The following MGAT1 variants were observed in gnomAD, a reference collection of about 807,000 sequenced individuals.
The protein encoded by MGAT1 is N-glycosyl-oligosaccharide-glycoprotein N-acetylglucosaminyltransferase I.
Under a neutral mutation model 31.7 loss-of-function variants are expected in MGAT1, and 14 were observed. The observed-to-expected ratio is 0.44, with a 90% CI of 0.29 to 0.69. The LOEUF is 0.69. MGAT1 is among the 30% of genes least tolerant of loss of function. The pLI, the probability that MGAT1 is intolerant of heterozygous loss-of-function variation, is 0.12. For missense variants in MGAT1, 557 were observed against 626.0 expected (o/e 0.89, Z 1.18); for synonymous variants, 338 against 276.0 (o/e 1.22, Z -2.23).
In MGAT1 at chr5:180,791,831, G is replaced by C. The variant is rs2070924; in HGVS notation, c.1141C>G (p.Leu381Val). ...EKVRTNDRKE[L>V]GEVRVQYTGR... is the part of the protein sequence containing the mutation. ...GTATACTGCACCCGCACCTCCCCCA[G>C]CTCCTTCCGGTCATTGGTCCTCACT... Residue 381 changes from leucine (L) to valine (V), a missense_variant, in exon 2 of 2, where the codon CTG becomes GTG. Coordinates refer to ENST00000307826, the MANE Select transcript of MGAT1 (RefSeq NM_002406.4). 1.2e-6 allele frequency: 2 copies of C among 1,614,124 alleles called. No individual in the cohort carries two copies. Among genetic ancestry groups the C allele is most frequent in the Non-Finnish European group, 1.7e-6 (2 of 1,180,020 alleles).
At chr5:180,809,507 G>T (rs1372034672) in intron 1 of MGAT1, 1 of 151,954 alleles carries the variant, frequency 6.6e-6, no homozygotes, top group Non-Finnish European at 1.5e-5. Flanking sequence ...TAATCCACCA[G>T]CCCTCTTCAA....
At chr5:180,808,147 C>T (rs1772100101) in intron 2 of MGAT1, among the ~76,000 whole-genome samples, 1 of 152,188 alleles carries the variant, frequency 6.6e-6, no homozygotes. Flanking sequence ...GCTCTTTTCC[C>T]GAGCTTTCAT....
chr5:180,798,605 C>T lies in MGAT1; in HGVS notation c.-127+4075G>A, dbSNP rs1221437078. On this transcript the variant is annotated intron_variant, in intron 1 of 1. Coordinates refer to ENST00000307826, the MANE Select transcript of MGAT1 (RefSeq NM_002406.4). ...GGATCTAAAAACATCCACAGTTCCT[C>T]AACTGTAACTGCCAAATCCAAGAAG... Among the ~76,000 whole-genome samples, 15 of 152,334 alleles carry T rather than the reference C, an allele frequency of 9.8e-5. No homozygotes were observed. In the East Asian group the frequency reaches 2.9e-3, roughly 29 times the overall value.
rs748284811 is a variant in MGAT1, at chr5:180,792,291, C to T, written c.681G>A (p.Pro227=). The T allele has an allele frequency of 8.7e-6, 14 of 1,610,246 alleles. No homozygotes were observed. The highest frequency in any genetic ancestry group is 1.2e-5 in the Non-Finnish European group (14 of 1,177,754). The change falls in exon 2 of 2, where the codon CCG becomes CCA. Residue 227 remains proline (P), a synonymous_variant. Transcript: ENST00000307826. ...DFFEYFRATY[P]LLKADPSLWC... The stretch of plus-strand genomic sequence containing the variant: ...ACAGGGAGGGGTCGGCCTTCAGCAG[C>T]GGATAGGTGGCCCGAAAGTACTCGA...
At chr5:180,799,811 G>C (rs1770334723) in intron 1 of MGAT1, among the ~76,000 whole-genome samples, 1 of 152,194 alleles carries the variant, frequency 6.6e-6, no homozygotes, top group African/African-American at 2.4e-5. Flanking sequence ...GATGCTATGT[G>C]ACTTGTGAGA....
intron 1 of MGAT1, among the ~76,000 whole-genome samples, chr5:180,797,744 CA>C (rs1456080110): frequency 5.1e-5 from 6 of 117,778 alleles, no homozygotes; most frequent in Admixed American, 4.8e-4. Flanking sequence ...CCACCTTAAT[CA>C]ATCCCTGGGC....
chr5:180,806,240 C>G (rs12054821), upstream of MGAT1, among the ~76,000 whole-genome samples: 1 of 151,924 alleles, frequency 6.6e-6, no homozygotes, highest in African/African-American at 2.4e-5. Context: ...GAGCCGAGAT[C>G]GCACCACTGC....
chr5:180,787,290 C>T lies in MGAT1; in HGVS notation c.*4344G>A, dbSNP rs1226128661. The T allele has an allele frequency of 6.6e-6, 1 of 152,292 alleles. No individual in the cohort carries two copies. The highest frequency in any genetic ancestry group is 1.5e-5 in the Non-Finnish European group (1 of 68,086). The allele number at this position is 152,292 out of a possible 1,614,324, so 9.4% of individuals were successfully genotyped here. A position where few individuals can be genotyped will look rare whatever the true frequency, so the allele number is the denominator to read the frequency against. ...GGCCCTGGTGTCTACTTCCTAAACTCCCTGTGAATTGCCAGGGGCCAGAAT... is the reference window on the plus strand; with the variant it reads ...GGCCCTGGTGTCTACTTCCTAAACTTCCTGTGAATTGCCAGGGGCCAGAAT... On this transcript the variant is annotated 3_prime_UTR_variant, in exon 2 of 2. Coordinates refer to ENST00000307826, the MANE Select transcript of MGAT1 (RefSeq NM_002406.4).
chr5:180,799,803 T>G (rs550120985), intron 1 of MGAT1, among the ~76,000 whole-genome samples: 1 of 152,314 alleles, frequency 6.6e-6, no homozygotes, highest in South Asian at 2.1e-4. Context: ...TGGGAAGAGA[T>G]GCTATGTGAC....
At chr5:180,801,367 G>A (rs1237846496) in intron 1 of MGAT1, among the ~76,000 whole-genome samples, 4 of 152,118 alleles carry the variant, frequency 2.6e-5, no homozygotes, top group Non-Finnish European at 4.4e-5. Context: ...AAAGCACTAC[G>A]TAAAAATTCC....
Position 180,793,110 on chromosome 5 carries a change from G to C in MGAT1, c.-126-13C>G. The C allele has an allele frequency of 9.5e-7, 1 of 1,056,856 alleles. No homozygotes were observed. Among genetic ancestry groups the C allele is most frequent in the Non-Finnish European group, 1.3e-6 (1 of 747,056 alleles). The allele number at this position is 1,056,856 out of a possible 1,614,324, so 65.5% of individuals were successfully genotyped here. A position where few individuals can be genotyped will look rare whatever the true frequency, so the allele number is the denominator to read the frequency against. ...GGCAGCCATGCACCTAAAGACAGGA[G>C]AGAGAAAGCAAACCGTCACACAAAG... On this transcript the variant is annotated splice_polypyrimidine_tract_variant and intron_variant, in intron 1 of 1. Transcript: ENST00000307826.
intron 1 of MGAT1, chr5:180,810,877 G>C (rs1214142002): frequency 6.6e-6 from 1 of 152,250 alleles, no homozygotes; most frequent in African/African-American, 2.4e-5. Context: ...CCCTCTGACA[G>C]GTGCTGTTGG....
rs1768068748 is a variant in MGAT1 at position 180,791,478 on chromosome 5, C to A, written c.*156G>T. On this transcript the variant is annotated 3_prime_UTR_variant, in exon 2 of 2. Coordinates refer to ENST00000307826, the MANE Select transcript of MGAT1 (RefSeq NM_002406.4). ...CCCTTGAGAACGGGAGAATAATCCT[C>A]TTGTTATCATTTGTGCACTTAAATG... 3 of 873,148 alleles carry A rather than the reference C, an allele frequency of 3.4e-6. No individual in the cohort carries two copies. Among genetic ancestry groups the A allele is most frequent in the Non-Finnish European group, 3.5e-6 (2 of 565,638 alleles). 54.1% of individuals were successfully genotyped at this position (873,148 alleles called of 1,614,324 possible). A position where few individuals can be genotyped will look rare whatever the true frequency, so the allele number is the denominator to read the frequency against.
At chr5:180,812,263 A>G (rs1581933166) in intron 1 of MGAT1, among the ~76,000 whole-genome samples, 1 of 152,380 alleles carries the variant, frequency 6.6e-6, no homozygotes, top group East Asian at 1.9e-4. Flanking sequence ...ACCGCAGAGT[A>G]TTCCCCTTCG....
intron 1 of MGAT1, among the ~76,000 whole-genome samples, chr5:180,815,193 G>A (rs192568458): frequency 2.6e-5 from 4 of 152,082 alleles, no homozygotes; most frequent in Non-Finnish European, 5.9e-5. Context: ...AAAGCCGCCA[G>A]TTCTCCCATG....
rs1187183036 is a variant in MGAT1, at chr5:180,785,897, G to C, written c.*5737C>G. ...CCTCTTCTTACAGCTGTGCTGAGAC[G>C]TTTTTGGCTGGGGCAGGGCTGCTGC... On this transcript the variant is annotated 3_prime_UTR_variant, in exon 2 of 2. Transcript: ENST00000307826. 1 of 152,322 alleles carries C rather than the reference G, an allele frequency of 6.6e-6. No homozygotes were observed. Among genetic ancestry groups the C allele is most frequent in the Non-Finnish European group, 1.5e-5 (1 of 68,080 alleles). The allele number at this position is 152,322 out of a possible 1,614,324, so 9.4% of individuals were successfully genotyped here. A position where few individuals can be genotyped will look rare whatever the true frequency, so the allele number is the denominator to read the frequency against.
At chr5:180,800,366 G>A (rs1386470501) in intron 1 of MGAT1, among the ~76,000 whole-genome samples, 2 of 152,232 alleles carry the variant, frequency 1.3e-5, no homozygotes, top group Non-Finnish European at 2.9e-5. Context: ...CAGAAATGTG[G>A]ACAGTGCAGC....
At chr5:180,814,893 A>G (rs1772773484) in intron 1 of MGAT1, among the ~76,000 whole-genome samples, 2 of 151,398 alleles carry the variant, frequency 1.3e-5, no homozygotes, top group Admixed American at 6.6e-5. Flanking sequence ...GTGAGCTGAG[A>G]TCGCGCCACT....
In MGAT1 at chr5:180,791,508, T is replaced by C. The variant is rs1768076806; in HGVS notation, c.*126A>G. The C allele has an allele frequency of 1.2e-5, 15 of 1,210,948 alleles. No individual in the cohort carries two copies. The highest frequency in any genetic ancestry group is 1.7e-5 in the Non-Finnish European group (15 of 859,960). 75.0% of individuals were successfully genotyped at this position (1,210,948 alleles called of 1,614,324 possible). A position where few individuals can be genotyped will look rare whatever the true frequency, so the allele number is the denominator to read the frequency against. On this transcript the variant is annotated 3_prime_UTR_variant, in exon 2 of 2. Coordinates refer to ENST00000307826, the MANE Select transcript of MGAT1 (RefSeq NM_002406.4). Reference sequence around the variant, plus strand: ...TATCATTTGTGCACTTAAATGCCACTCGGAAAAATCAAAAAGATAAATGCA... The same window carrying C: ...TATCATTTGTGCACTTAAATGCCACCCGGAAAAATCAAAAAGATAAATGCA...
Sources: gnomAD v4.1 joint callset for allele counts (sites outside exome capture counted in the v4.1 genomes callset) on GRCh38, gnomAD v4.1.1 for gene constraint, MANE v1.5 for transcripts, NCBI Gene and HGNC (gene_info 2026-07-23, HGNC 2026-07-21) for gene names.